Variants in TMEM65 observed in about 807,000 individuals in gnomAD.
The protein encoded by TMEM65 is transmembrane protein 65.
Under a neutral mutation model 25.4 loss-of-function variants are expected in TMEM65, and 22 were observed. That is an observed-to-expected ratio of 0.86 (90% CI 0.62 to 1.23). The LOEUF is 1.23. Ranked by LOEUF, TMEM65 falls within the 50% of genes most tolerant of loss-of-function variation. The pLI, the probability that TMEM65 is intolerant of heterozygous loss-of-function variation, is 0.00. For missense variants in TMEM65, 262 were observed against 308.2 expected (o/e 0.85, Z 1.12); for synonymous variants, 132 against 126.2 (o/e 1.05, Z -0.31).
At position 124,313,005 on chromosome 8, in the gene TMEM65, A is replaced by T. The variant is rs1341205450; in HGVS notation, c.*955T>A. 1 of 151,726 alleles carries T rather than the reference A, an allele frequency of 6.6e-6. No homozygotes were observed. The highest frequency in any genetic ancestry group is 1.5e-5 in the Non-Finnish European group (1 of 67,752). The allele number at this position is 151,726 out of a possible 1,614,324, so 9.4% of individuals were successfully genotyped here. A position where few individuals can be genotyped will look rare whatever the true frequency, so the allele number is the denominator to read the frequency against. On this transcript the variant is annotated 3_prime_UTR_variant, in exon 7 of 7. Transcript: ENST00000297632. ...AAAAAAAACCTTACCAAATAATATA[A>T]ATTGTATCTCATTAATCTTTCAAAC...
chr8:124,322,109 G>A lies in TMEM65; in HGVS notation c.511C>T (p.Leu171Phe), dbSNP rs1174679363. ...LGNLVSDLAG[L>F]GLAGYVEALA... is the part of the protein sequence containing the mutation. ...TGAATAAGTGAATGAACCTACCCAA[G>A]TCCAGCTAGATCTGACACAAGATTT... is the stretch of plus-strand genomic sequence containing the variant. Residue 171 changes from leucine to phenylalanine, a missense_variant, in exon 5 of 7, where the codon CTT (leucine) becomes TTT (phenylalanine). Coordinates refer to ENST00000297632, the MANE Select transcript of TMEM65 (RefSeq NM_194291.3). 1.9e-6 allele frequency: 3 copies of A among 1,606,128 alleles called. No homozygotes were observed. The highest frequency in any genetic ancestry group is 2.6e-6 in the Non-Finnish European group (3 of 1,175,490).
rs1215147556 is a variant in TMEM65 at position 124,372,676 on chromosome 8, C to CCGT, written c.-520_-519insACG. 9.1e-5 allele frequency: 15 copies of CCGT among 164,390 alleles called. No individual in the cohort carries two copies. Among genetic ancestry groups the CCGT allele is most frequent in the Non-Finnish European group, 1.7e-4 (13 of 76,418 alleles). 10.2% of individuals were successfully genotyped at this position (164,390 alleles called of 1,614,324 possible). A position where few individuals can be genotyped will look rare whatever the true frequency, so the allele number is the denominator to read the frequency against. The stretch of plus-strand genomic sequence containing the variant: ...TCCCGAGCCGCAGCCGCCGCCGCCG[C>CCGT]CGCTACCCCTAGCGGCAGCAGAAGT... On this transcript the variant is annotated 5_prime_UTR_variant, in exon 1 of 7. Transcript: ENST00000297632.
chr8:124,347,913 G>T, intron 1 of TMEM65, among the ~76,000 whole-genome samples: 1 of 148,236 alleles, frequency 6.7e-6, no homozygotes, highest in African/African-American at 2.5e-5. Context: ...TTTTTGAGGC[G>T]GAGTTTTGCT....
At chr8:124,316,026 C>T (rs568082590) in intron 6 of TMEM65, among the ~76,000 whole-genome samples, 2 of 152,266 alleles carry the variant, frequency 1.3e-5, no homozygotes, top group East Asian at 3.9e-4. Context: ...TGTTAAATTC[C>T]TCTTGCAACC....
chr8:124,348,515 TTAGA>T (rs1038954810), intron 1 of TMEM65, among the ~76,000 whole-genome samples: 3 of 152,170 alleles, frequency 2.0e-5, no homozygotes, highest in East Asian at 1.9e-4. Context: ...CTTTTACTTA[TTAGA>T]TATAGAGATG....
intron 3 of TMEM65, 34 bp downstream of exon 3, chr8:124,327,320 A>G: frequency 6.9e-7 from 1 of 1,452,046 alleles, no homozygotes; most frequent in South Asian, 1.2e-5. Flanking sequence ...TAATTTATGA[A>G]CTCAAAATAG....
chr8:124,326,881 A>T (rs1005236069), intron 3 of TMEM65, among the ~76,000 whole-genome samples: 1 of 152,076 alleles, frequency 6.6e-6, no homozygotes, highest in African/African-American at 2.4e-5. Flanking sequence ...AGGGAGATAC[A>T]GTCACTTAAT....
At chr8:124,338,128 C>A (rs1814534742) in intron 1 of TMEM65, among the ~76,000 whole-genome samples, 2 of 151,972 alleles carry the variant, frequency 1.3e-5, no homozygotes, top group South Asian at 4.1e-4. Flanking sequence ...AAGATATATA[C>A]ACAAAACTGT....
At chr8:124,356,800 C>T (rs982557216) in intron 1 of TMEM65, among the ~76,000 whole-genome samples, 1 of 138,038 alleles carries the variant, frequency 7.2e-6, no homozygotes, top group African/African-American at 2.6e-5. Flanking sequence ...CTCTGCTTCC[C>T]AGGCTATAGT....
intron 6 of TMEM65, among the ~76,000 whole-genome samples, chr8:124,318,137 G>A (rs904364864): frequency 1.3e-5 from 2 of 152,058 alleles, no homozygotes; most frequent in Non-Finnish European, 2.9e-5. Flanking sequence ...GAGTGCAACA[G>A]CAAGCCAGAG....
intron 1 of TMEM65, among the ~76,000 whole-genome samples, chr8:124,337,484 G>C (rs376609294): frequency 9.9e-5 from 15 of 151,916 alleles, no homozygotes; most frequent in African/African-American, 3.6e-4. Flanking sequence ...CTCTTTCTTA[G>C]ACATTTTCCA....
chr8:124,340,772 T>C (rs954636010), intron 1 of TMEM65, among the ~76,000 whole-genome samples: 8 of 152,136 alleles, frequency 5.3e-5, no homozygotes, highest in African/African-American at 1.4e-4. Context: ...AACATTCTTA[T>C]CATCAAGAAT....
chr8:124,314,444 G>A (rs1328621565), intron 6 of TMEM65, among the ~76,000 whole-genome samples: 1 of 152,136 alleles, frequency 6.6e-6, no homozygotes, highest in Non-Finnish European at 1.5e-5. Flanking sequence ...GCATTTCCAT[G>A]TATATTTCTT....
chr8:124,371,660 C>T (rs1180307265), intron 1 of TMEM65, among the ~76,000 whole-genome samples, 194 bp downstream of exon 1: 1 of 152,206 alleles, frequency 6.6e-6, no homozygotes, highest in Non-Finnish European at 1.5e-5. Flanking sequence ...GTCCTACCTG[C>T]CTGGGGGAAA....
intron 3 of TMEM65, among the ~76,000 whole-genome samples, chr8:124,324,350 A>G (rs1814342128): frequency 6.6e-6 from 1 of 152,148 alleles, no homozygotes; most frequent in South Asian, 2.1e-4. Flanking sequence ...TCACTTTAAG[A>G]TATAATTCTT....
At chr8:124,356,077 T>A (rs1457037718) in intron 1 of TMEM65, among the ~76,000 whole-genome samples, 2 of 152,208 alleles carry the variant, frequency 1.3e-5, no homozygotes, top group African/African-American at 4.8e-5. Flanking sequence ...TCTACCTGGA[T>A]CCTTCTCCCA....
chr8:124,314,843 AT>A (rs971082537), intron 6 of TMEM65, among the ~76,000 whole-genome samples: 219 of 138,612 alleles, frequency 1.6e-3, no homozygotes, highest in Middle Eastern at 4.1e-3. Flanking sequence ...TACTTTTATT[AT>A]TTTTTTTTTT....
chr8:124,320,626 G>A (rs1321934762), intron 5 of TMEM65, among the ~76,000 whole-genome samples: 1 of 152,100 alleles, frequency 6.6e-6, no homozygotes, highest in East Asian at 1.9e-4. Context: ...GACAGCAAAA[G>A]TTTCCAAAAT....
At position 124,307,420 on chromosome 8, in the gene TMEM65, A is replaced by C. The variant is rs1814104499; in HGVS notation, c.*6540T>G. ...CTGCAGCTGTAGTTGCCCATCCTTC[A>C]AGATAAATGAATCCAGCATAAGGAC... is the stretch of plus-strand genomic sequence containing the variant. On this transcript the variant is annotated 3_prime_UTR_variant, in exon 7 of 7. Transcript: ENST00000297632. The C allele has an allele frequency of 6.6e-6, 1 of 151,882 alleles. No individual in the cohort carries two copies. The highest frequency in any genetic ancestry group is 2.1e-4 in the South Asian group (1 of 4,808). The allele number at this position is 151,882 out of a possible 1,614,324, so 9.4% of individuals were successfully genotyped here.
Sources: allele counts gnomAD v4.1 joint callset (sites outside exome capture counted in the v4.1 genomes callset), GRCh38; gene constraint gnomAD v4.1.1; transcripts MANE v1.5; gene names NCBI Gene and HGNC (gene_info 2026-07-23, HGNC 2026-07-21).